NAV2: variants seen among roughly 807,000 people sequenced by gnomAD.
NAV2 encodes the protein neuron navigator 2, also known as helicase, APC down-regulated 1.
Under a neutral mutation model 223.2 loss-of-function variants are expected in NAV2, and 54 were observed. The ratio of observed to expected loss-of-function variants is 0.24; its 90% CI spans 0.19 to 0.30. The LOEUF is 0.30. Among genes scored for constraint, NAV2 ranks in the 10% least tolerant of loss-of-function variants. The pLI is 1.00. For synonymous variants in NAV2, 1,279 were observed against 1,239.3 expected (o/e 1.03, Z -0.67); for missense variants, 2,806 against 3,147.5 (o/e 0.89, Z 2.60).
At chr11:19,742,018 C>CT (rs58969525) in intron 1 of NAV2, among the ~76,000 whole-genome samples, 103,597 of 151,904 alleles carry the variant, frequency 0.68, 38,132 homozygotes, top group Middle Eastern at 0.83. Flanking sequence ...TATCTTTTGA[C>CT]TTTTTTTGGA....
At chr11:19,510,620 G>C (rs567215976) in intron 1 of NAV2, among the ~76,000 whole-genome samples, 1 of 152,238 alleles carries the variant, frequency 6.6e-6, no homozygotes, top group Admixed American at 6.5e-5. Context: ...CAGAGCCAGC[G>C]CTTTACCCAG....
At chr11:19,741,176 CTGT>C (rs1228076792) in intron 1 of NAV2, among the ~76,000 whole-genome samples, 7 of 152,170 alleles carry the variant, frequency 4.6e-5, no homozygotes, top group Non-Finnish European at 1.0e-4. Flanking sequence ...GATGTACAAT[CTGT>C]TTTCATATAC....
chr11:19,587,939 A>C (rs543873265), intron 1 of NAV2, among the ~76,000 whole-genome samples: 18 of 152,352 alleles, frequency 1.2e-4, no homozygotes, highest in African/African-American at 4.3e-4. Context: ...ATTAAATGTG[A>C]TATGCAAATA....
chr11:19,870,648 A>G (rs2062423388), intron 4 of NAV2, among the ~76,000 whole-genome samples: 1 of 152,242 alleles, frequency 6.6e-6, no homozygotes, highest in Non-Finnish European at 1.5e-5. Context: ...ATTTGTTGAA[A>G]GAACAAGTAC....
chr11:19,777,450 C>A, intron 1 of NAV2: 1 of 453,390 alleles, frequency 2.2e-6, no homozygotes, highest in South Asian at 1.6e-5. Flanking sequence ...CCCCTTCCTT[C>A]CTCGCCCTGA....
intron 1 of NAV2, among the ~76,000 whole-genome samples, chr11:19,588,894 T>C (rs1395746442): frequency 6.6e-6 from 1 of 152,226 alleles, no homozygotes; most frequent in Non-Finnish European, 1.5e-5. Context: ...TGCCCATGTT[T>C]CTTTCTGCAT....
At chr11:19,511,253 C>T (rs2043270291) in intron 1 of NAV2, 1 of 152,244 alleles carries the variant, frequency 6.6e-6, no homozygotes, top group Non-Finnish European at 1.5e-5. Flanking sequence ...CCTGCCTTGT[C>T]ATCCCACAGG....
chr11:19,468,542 T>C (rs933483347), intron 1 of NAV2, among the ~76,000 whole-genome samples: 1 of 152,190 alleles, frequency 6.6e-6, no homozygotes, highest in East Asian at 1.9e-4. Context: ...CCTCTTCTTA[T>C]AAGGACATCA....
rs149410559 is a variant in NAV2, at chr11:20,004,940, G to A, written c.2768+20693G>A. ...TCACTTGCTAACCAGTGAATGACTT[G>A]GAGTAAATTAATGCAGATAGTAAGA... On this transcript the variant is annotated intron_variant, in intron 11 of 37. Coordinates refer to ENST00000349880, the MANE Select transcript of NAV2 (RefSeq NM_145117.5). Among the ~76,000 whole-genome samples the A allele has an allele frequency of 4.9e-3, 744 of 152,204 alleles. 3 individuals carry two copies. Among genetic ancestry groups the A allele is most frequent in the African/African-American group, 0.017 (719 of 41,532 alleles).
chr11:19,949,336 T>C (rs896494096), intron 10 of NAV2, among the ~76,000 whole-genome samples: 9 of 152,148 alleles, frequency 5.9e-5, no homozygotes, highest in Non-Finnish European at 1.5e-5. Flanking sequence ...ATCAGTCCCT[T>C]AAACCAAACC....
Position 19,731,761 on chromosome 11 carries a change from C to A in NAV2, c.267+17799C>A, listed in dbSNP as rs575756420. Among the ~76,000 whole-genome samples the A allele has an allele frequency of 2.0e-5, 3 of 152,218 alleles. No homozygotes were observed. In the South Asian group the frequency reaches 6.2e-4, roughly 32 times the overall value. ...ATTTTCCTTATCTAGAAAGTGGGAA[C>A]AATTTTCCTTGCTTTAGGGACCAAT... On this transcript the variant is annotated intron_variant, in intron 1 of 37. Transcript: ENST00000349880.
chr11:19,841,742 C>T (rs199629130), intron 2 of NAV2, among the ~76,000 whole-genome samples: 5 of 152,116 alleles, frequency 3.3e-5, no homozygotes, highest in African/African-American at 1.2e-4. Context: ...AACCCTTAGT[C>T]CTTTACTGTG....
intron 1 of NAV2, among the ~76,000 whole-genome samples, chr11:19,744,867 T>C (rs988991293): frequency 1.3e-5 from 2 of 152,222 alleles, no homozygotes; most frequent in Non-Finnish European, 2.9e-5. Context: ...TAGACTATTA[T>C]ATGGCCATTG....
chr11:19,833,079 G>A (rs967818064), intron 2 of NAV2, among the ~76,000 whole-genome samples: 4 of 152,230 alleles, frequency 2.6e-5, no homozygotes, highest in African/African-American at 9.6e-5. Context: ...TTAATACTAG[G>A]GGAAGGGAAC....
chr11:19,937,702 CT>C (rs1307448818), intron 7 of NAV2, among the ~76,000 whole-genome samples: 2 of 152,234 alleles, frequency 1.3e-5, no homozygotes, highest in Non-Finnish European at 2.9e-5. Context: ...AATGTTCCTT[CT>C]AGTACCTAGC....
chr11:19,748,693 GTT>G (rs1292260092), intron 1 of NAV2, among the ~76,000 whole-genome samples: 3 of 152,202 alleles, frequency 2.0e-5, no homozygotes, highest in Non-Finnish European at 4.4e-5. Context: ...TTACTTAAAG[GTT>G]CATGGGAAGC....
intron 1 of NAV2, among the ~76,000 whole-genome samples, chr11:19,767,319 G>T (rs2055314022): frequency 6.6e-6 from 1 of 152,166 alleles, no homozygotes; most frequent in Admixed American, 6.5e-5. Context: ...CTTCATCACA[G>T]CCCTGTCTCA....
rs569927826 is a variant in NAV2 at position 19,674,307 on chromosome 11, G to A, written c.76-158177G>A. ...CACTCCAGGGTACTTATTTACACAA[G>A]AGGGACGGGAGGGCGCGCTCTCAAA... On this transcript the variant is annotated intron_variant, in intron 1 of 37. Coordinates refer to the NAV2 transcript ENST00000360655. 1.4e-4 allele frequency among the ~76,000 whole-genome samples: 21 copies of A among 152,306 alleles called. No homozygotes were observed. The South Asian group carries it at 4.1e-3, about 30-fold the overall frequency.
At chr11:19,540,466 A>C (rs10500855) in intron 1 of NAV2, among the ~76,000 whole-genome samples, 26,197 of 152,250 alleles carry the variant, frequency 0.17, 2,950 homozygotes, top group Non-Finnish European at 0.25. Context: ...TCTGCAAGGT[A>C]ACTATAATCA....
Sources: gnomAD v4.1 joint callset for allele counts (sites outside exome capture counted in the v4.1 genomes callset) on GRCh38, gnomAD v4.1.1 for gene constraint, MANE v1.5 for transcripts, NCBI Gene and HGNC (gene_info 2026-07-23, HGNC 2026-07-21) for gene names.